The following CNTNAP2 variants were observed in gnomAD, a reference collection of about 807,000 sequenced individuals.
CNTNAP2 encodes contactin-associated protein-like 2.
CNTNAP2 carries 98 observed loss-of-function variants against 155.2 expected under a neutral mutation model. The observed-to-expected ratio is 0.63, with a 90% CI of 0.54 to 0.75. The LOEUF is 0.75. Among genes scored for constraint, CNTNAP2 ranks in the 30% least tolerant of loss-of-function variants. CNTNAP2 has a pLI of 0.00. For synonymous variants in CNTNAP2, 651 were observed against 631.2 expected, an observed-to-expected ratio of 1.03 and a Z score of -0.47; for missense variants, 1,727 against 1,688.1, an observed-to-expected ratio of 1.02 and a Z score of -0.40.
intron 3 of CNTNAP2, among the ~76,000 whole-genome samples, chr7:147,039,322 C>G (rs1799216984): frequency 6.6e-6 from 1 of 152,048 alleles, no homozygotes; most frequent in Non-Finnish European, 1.5e-5. Context: ...AGGTATTAAG[C>G]CCAGTACCCA....
chr7:147,309,497 T>A (rs1461342515), intron 9 of CNTNAP2, among the ~76,000 whole-genome samples: 1 of 152,116 alleles, frequency 6.6e-6, no homozygotes, highest in Non-Finnish European at 1.5e-5. Context: ...TTGTTTTATA[T>A]TTTTCTTAGT....
intron 1 of CNTNAP2, among the ~76,000 whole-genome samples, chr7:146,371,330 T>G (rs1795230723): frequency 6.6e-6 from 1 of 151,410 alleles, no homozygotes; most frequent in Non-Finnish European, 1.5e-5. Context: ...TAAACTTATG[T>G]AAGTTATTTT....
At chr7:147,984,957 A>G (rs890401693) in intron 15 of CNTNAP2, among the ~76,000 whole-genome samples, 2 of 151,942 alleles carry the variant, frequency 1.3e-5, no homozygotes, top group Admixed American at 1.3e-4. Flanking sequence ...TCTACTAAAA[A>G]CACAAAAATC....
intron 3 of CNTNAP2, among the ~76,000 whole-genome samples, chr7:146,875,838 T>C (rs1294638321): frequency 1.4e-5 from 2 of 141,624 alleles, no homozygotes; most frequent in Non-Finnish European, 1.5e-5. Flanking sequence ...TTGAGGCCAG[T>C]AGTTCAAGAC....
At chr7:147,729,361 T>A (rs1024192010) in intron 13 of CNTNAP2, among the ~76,000 whole-genome samples, 1 of 151,640 alleles carries the variant, frequency 6.6e-6, no homozygotes, top group Non-Finnish European at 1.5e-5. Flanking sequence ...GAATAAATCA[T>A]CATATCTCTA....
At chr7:147,919,667 C>A (rs1185038152) in intron 14 of CNTNAP2, among the ~76,000 whole-genome samples, 1 of 151,470 alleles carries the variant, frequency 6.6e-6, no homozygotes, top group African/African-American at 2.4e-5. Context: ...ACAGTGTTCA[C>A]TAGGATGGTC....
intron 1 of CNTNAP2, among the ~76,000 whole-genome samples, chr7:146,426,212 T>TAAAAAAAAAAAAAAAAAAAAAAAAAAAAA (rs1554431713): frequency 1.8e-5 from 2 of 113,244 alleles, no homozygotes; most frequent in African/African-American, 7.6e-5. Flanking sequence ...AAAAAAAAAT[T>TAAAAAAAAAAAAAAAAAAAAAAAAAAAAA]AAAACTTAAG....
intron 12 of CNTNAP2, among the ~76,000 whole-genome samples, chr7:147,623,822 A>G (rs1272485746): frequency 6.6e-6 from 1 of 152,116 alleles, no homozygotes; most frequent in Non-Finnish European, 1.5e-5. Flanking sequence ...TCCTGAACAA[A>G]AAGAACAAAA....
At chr7:148,061,561 G>GC in intron 15 of CNTNAP2, among the ~76,000 whole-genome samples, 1 of 151,894 alleles carries the variant, frequency 6.6e-6, no homozygotes, top group African/African-American at 2.4e-5. Context: ...CACCATGTCG[G>GC]CCAGGCCTAT....
intron 8 of CNTNAP2, among the ~76,000 whole-genome samples, chr7:147,250,614 G>A (rs1378177421): frequency 6.6e-6 from 1 of 151,748 alleles, no homozygotes; most frequent in Non-Finnish European, 1.5e-5. Flanking sequence ...CTCTTTCGGG[G>A]GAGGGAGAGC....
intron 13 of CNTNAP2, among the ~76,000 whole-genome samples, chr7:147,677,169 A>T (rs1795882898): frequency 6.6e-6 from 1 of 151,696 alleles, no homozygotes; most frequent in Non-Finnish European, 1.5e-5. Flanking sequence ...CATCCTCACC[A>T]ACACTTGTTC....
intron 9 of CNTNAP2, among the ~76,000 whole-genome samples, chr7:147,331,616 G>T (rs1795570690): frequency 6.6e-6 from 1 of 152,036 alleles, no homozygotes; most frequent in Non-Finnish European, 1.5e-5. Context: ...ACACAAATGA[G>T]ACTTAGAAAA....
chr7:148,394,879 T>A lies in CNTNAP2; in HGVS notation c.3715+10991T>A, dbSNP rs536101032. Among the ~76,000 whole-genome samples, 37 of 152,256 alleles carry A rather than the reference T, an allele frequency of 2.4e-4. 1 individual carries two copies. The highest frequency in any genetic ancestry group is 1.7e-3 in the South Asian group (8 of 4,830). ...CATAGGTTTCCCCTGGAAAACCACT[T>A]GAGCCCACTGCTTCTTGTGGGAGCA... On this transcript the variant is annotated intron_variant, in intron 22 of 23. Coordinates refer to ENST00000361727, the MANE Select transcript of CNTNAP2 (RefSeq NM_014141.6).
At chr7:147,003,354 C>A (rs1798463931) in intron 3 of CNTNAP2, among the ~76,000 whole-genome samples, 1 of 151,310 alleles carries the variant, frequency 6.6e-6, no homozygotes, top group Non-Finnish European at 1.5e-5. Context: ...AAAAAAGTAG[C>A]AAGTTAAAAA....
intron 3 of CNTNAP2, among the ~76,000 whole-genome samples, chr7:146,862,157 G>C (rs1338470665): frequency 6.6e-6 from 1 of 152,170 alleles, no homozygotes; most frequent in South Asian, 2.1e-4. Context: ...CTGCCAGTTC[G>C]TTATTCATTC....
chr7:146,758,149 C>T (rs1019769696), intron 1 of CNTNAP2, among the ~76,000 whole-genome samples: 2 of 152,182 alleles, frequency 1.3e-5, no homozygotes, highest in African/African-American at 2.4e-5. Context: ...GATCAGCACA[C>T]TTTCAATCAC....
intron 14 of CNTNAP2, among the ~76,000 whole-genome samples, chr7:147,949,460 T>A (rs10251604): frequency 0.074 from 6,806 of 91,540 alleles, 521 homozygotes; most frequent in African/African-American, 0.19. Context: ...ATATATATAT[T>A]TTTTTTTTTT....
chr7:147,803,378 T>C lies in CNTNAP2; in HGVS notation c.2099-100187T>C, dbSNP rs974076805. ...GAAATGCAGCCAGCAAACTTGGGTA[T>C]TGGATGAACTGGGCATTGTGGGTCA... On this transcript the variant is annotated intron_variant, in intron 13 of 23. Transcript: ENST00000361727. Among the ~76,000 whole-genome samples, 7 of 152,080 alleles carry C rather than the reference T, an allele frequency of 4.6e-5. No homozygotes were observed. In the South Asian group the frequency reaches 1.2e-3, roughly 27 times the overall value.
chr7:148,137,691 A>AGGAAGGAT (rs1436107530), intron 16 of CNTNAP2, among the ~76,000 whole-genome samples: 7 of 141,490 alleles, frequency 4.9e-5, no homozygotes, highest in African/African-American at 1.9e-4. Context: ...GAAGGAAGGA[A>AGGAAGGAT]GGAAGGAAGG....
Sources: gnomAD v4.1 joint callset for allele counts (sites outside exome capture counted in the v4.1 genomes callset) on GRCh38, gnomAD v4.1.1 for gene constraint, MANE v1.5 for transcripts, NCBI Gene and HGNC (gene_info 2026-07-23, HGNC 2026-07-21) for gene names.